SV2C: variants seen among roughly 807,000 people sequenced by gnomAD.
SV2C encodes synaptic vesicle glycoprotein 2C, also known as solute carrier family 22 member B3.
SV2C carries 49 observed loss-of-function variants against 79.7 expected under a neutral mutation model. That is an observed-to-expected ratio of 0.61 (90% confidence interval 0.49 to 0.78). The LOEUF (loss-of-function observed/expected upper bound fraction) is 0.78. Ranked by LOEUF, SV2C falls within the 30% of genes least tolerant of loss-of-function variation. The probability of loss-of-function intolerance (pLI) is 0.00; values close to 1 mark genes in which losing one functional copy is unlikely to be tolerated. For synonymous variants in SV2C, 334 were observed against 333.2 expected (o/e 1.00, Z -0.03); for missense variants, 833 against 912.9 (o/e 0.91, Z 1.13).
chr5:76,118,059 C>T (rs1748337154), intron 1 of SV2C, among the ~76,000 whole-genome samples: 2 of 152,080 alleles, frequency 1.3e-5, no homozygotes, highest in African/African-American at 4.8e-5. Flanking sequence ...AACAATTTAC[C>T]ACAAACTGGA....
the SV2C span, among the ~76,000 whole-genome samples, chr5:75,926,525 T>G: frequency 6.6e-6 from 1 of 152,218 alleles, no homozygotes; most frequent in Non-Finnish European, 1.5e-5. Flanking sequence ...TGAATTTTCT[T>G]GGCTACTACT....
intron 12 of SV2C, among the ~76,000 whole-genome samples, chr5:76,305,731 A>C (rs909717691): frequency 1.3e-5 from 2 of 152,222 alleles, no homozygotes; most frequent in Non-Finnish European, 2.9e-5. Context: ...CCATTTTTCC[A>C]TTCTGTAAAT....
At chr5:76,064,134 T>C in the SV2C span, among the ~76,000 whole-genome samples, 1 of 152,182 alleles carries the variant, frequency 6.6e-6, no homozygotes, top group Non-Finnish European at 1.5e-5. Context: ...TATTTCATAA[T>C]AAGCCCTCGC....
the SV2C span, among the ~76,000 whole-genome samples, chr5:75,959,538 G>T: frequency 6.6e-6 from 1 of 151,978 alleles, no homozygotes; most frequent in African/African-American, 2.4e-5. Flanking sequence ...ATGTAGCCAG[G>T]GTTGAGGTTT....
At chr5:75,895,623 T>A in the SV2C span, among the ~76,000 whole-genome samples, 1 of 152,062 alleles carries the variant, frequency 6.6e-6, no homozygotes, top group Non-Finnish European at 1.5e-5. Context: ...ATGAAGGGCA[T>A]GATGGGCTCA....
At chr5:75,912,866 G>C in the SV2C span, among the ~76,000 whole-genome samples, 1 of 152,118 alleles carries the variant, frequency 6.6e-6, no homozygotes, top group East Asian at 1.9e-4. Flanking sequence ...AACAGATTTT[G>C]GTCTGTATCC....
At chr5:76,218,280 A>G (rs1744960323) in intron 4 of SV2C, among the ~76,000 whole-genome samples, 1 of 152,232 alleles carries the variant, frequency 6.6e-6, no homozygotes, top group Non-Finnish European at 1.5e-5. Context: ...ATTATAAATC[A>G]TTCTACCATA....
chr5:76,175,283 A>G (rs1743487738), intron 2 of SV2C, among the ~76,000 whole-genome samples: 1 of 152,192 alleles, frequency 6.6e-6, no homozygotes, highest in Non-Finnish European at 1.5e-5. Flanking sequence ...GACAGGTAGG[A>G]CCTGAAACAC....
chr5:76,254,987 A>G (rs1210259893), intron 4 of SV2C, among the ~76,000 whole-genome samples: 2 of 152,074 alleles, frequency 1.3e-5, no homozygotes, highest in Non-Finnish European at 2.9e-5. Context: ...CCCACCCCCA[A>G]ATGGATTTTA....
At chr5:76,065,152 C>T in the SV2C span, among the ~76,000 whole-genome samples, 1 of 152,138 alleles carries the variant, frequency 6.6e-6, no homozygotes, top group Admixed American at 6.6e-5. Context: ...GAACAAAATA[C>T]TGATCTGAAC....
the SV2C span, among the ~76,000 whole-genome samples, chr5:75,992,305 A>T: frequency 0.021 from 3,207 of 152,016 alleles, 93 homozygotes; most frequent in African/African-American, 0.071. Context: ...GGACCATAAA[A>T]CCATATAAAA....
At chr5:75,934,319 T>TTTTTTTTTTTTTC in the SV2C span, among the ~76,000 whole-genome samples, 1 of 146,864 alleles carries the variant, frequency 6.8e-6, no homozygotes, top group Admixed American at 6.7e-5. Flanking sequence ...TTTTTTTTTT[T>TTTTTTTTTTTTTC]CACTGTCGCT....
intron 4 of SV2C, among the ~76,000 whole-genome samples, chr5:76,217,583 A>G (rs1176156700): frequency 2.6e-5 from 4 of 152,334 alleles, no homozygotes; most frequent in African/African-American, 9.6e-5. Context: ...TAGAATACCC[A>G]GTGTGTATTT....
At chr5:76,050,349 G>A in the SV2C span, among the ~76,000 whole-genome samples, 4 of 152,122 alleles carry the variant, frequency 2.6e-5, no homozygotes, top group African/African-American at 7.2e-5. Flanking sequence ...AAACCCAGCA[G>A]GATGACATCA....
chr5:76,111,532 T>C lies in SV2C; in HGVS notation c.-101-20118T>C, dbSNP rs1748096911. 2.0e-5 allele frequency among the ~76,000 whole-genome samples: 3 copies of C among 152,306 alleles called. No homozygotes were observed. In the South Asian group the frequency reaches 6.2e-4, roughly 32 times the overall value. ...GCATTTCCATTTAGAGAGTGACCTA[T>C]GGGTCTGTTATAATTAGATTCCATT... On this transcript the variant is annotated intron_variant, in intron 1 of 12. Coordinates refer to ENST00000502798, the MANE Select transcript of SV2C (RefSeq NM_014979.4).
In SV2C at chr5:76,290,030, C is replaced by T. The variant is rs1005365480; in HGVS notation, c.1138-1191C>T. Among the ~76,000 whole-genome samples the T allele has an allele frequency of 2.6e-5, 4 of 151,934 alleles. No homozygotes were observed. The East Asian group carries it at 5.8e-4, about 22-fold the overall frequency. On this transcript the variant is annotated intron_variant, in intron 6 of 12. Coordinates refer to ENST00000502798, the MANE Select transcript of SV2C (RefSeq NM_014979.4). ...AAACAAATATCGATGAGTGAAAAAGCGGAAGCCTCCCAAAAGTAGTATGTT... is the reference window on the plus strand; with the variant it reads ...AAACAAATATCGATGAGTGAAAAAGTGGAAGCCTCCCAAAAGTAGTATGTT...
chr5:76,270,862 G>A (rs545523195), intron 4 of SV2C, among the ~76,000 whole-genome samples: 73 of 151,826 alleles, frequency 4.8e-4, no homozygotes, highest in African/African-American at 1.5e-3. Flanking sequence ...TCTGCCTCCC[G>A]GGTTAAAACA....
intron 1 of SV2C, among the ~76,000 whole-genome samples, chr5:76,103,387 G>A (rs1343056995): frequency 6.6e-6 from 1 of 152,150 alleles, no homozygotes; most frequent in East Asian, 1.9e-4. Context: ...ATTTCAAGTA[G>A]TATAATACTG....
chr5:75,915,310 C>CA, the SV2C span, among the ~76,000 whole-genome samples: 1 of 152,186 alleles, frequency 6.6e-6, no homozygotes, highest in Non-Finnish European at 1.5e-5. Flanking sequence ...ATCATGACAC[C>CA]ATGCTGCTTC....
Sources: allele counts gnomAD v4.1 joint callset (sites outside exome capture counted in the v4.1 genomes callset), GRCh38; gene constraint gnomAD v4.1.1; transcripts MANE v1.5; gene names NCBI Gene and HGNC (gene_info 2026-07-23, HGNC 2026-07-21).